HELLS: variants seen among roughly 807,000 people sequenced by gnomAD.
HELLS encodes the protein lymphoid-specific helicase.
HELLS carries 32 observed loss-of-function variants against 120.0 expected under a neutral mutation model. The ratio of observed to expected loss-of-function variants is 0.27; its 90% CI spans 0.20 to 0.36. The LOEUF (loss-of-function observed/expected upper bound fraction) is 0.36, where lower values mean the gene tolerates loss of function less well. Among genes scored for constraint, HELLS ranks in the 10% least tolerant of loss-of-function variants. The probability of loss-of-function intolerance (pLI) is 1.00; values close to 1 mark genes in which losing one functional copy is unlikely to be tolerated. For missense variants in HELLS, 650 were observed against 993.4 expected (o/e 0.65, Z 4.65); for synonymous variants, 341 against 323.4 (o/e 1.05, Z -0.58).
At position 94,574,700 on chromosome 10, in the gene HELLS, T is replaced by A. The variant is rs756590860; in HGVS notation, c.852T>A (p.Pro284=). ...TCTGTGGCCCTTTGTCTACACTTCC[T>A]AACTGGATGGCTGAATTCAAAAGAT... ...FLVCGPLSTL[P]NWMAEFKRFT... is the part of the protein sequence containing the mutation. Residue 284 remains proline, a synonymous_variant, in exon 9 of 22, where the codon CCT becomes CCA. Coordinates refer to ENST00000348459, the MANE Select transcript of HELLS (RefSeq NM_018063.5). 2 of 1,613,552 alleles carry A rather than the reference T, an allele frequency of 1.2e-6. No homozygotes were observed. Among genetic ancestry groups the A allele is most frequent in the East Asian group, 4.5e-5 (2 of 44,852 alleles).
chr10:94,589,911 T>A (rs1309929342), intron 13 of HELLS, among the ~76,000 whole-genome samples: 1 of 151,998 alleles, frequency 6.6e-6, no homozygotes, highest in African/African-American at 2.4e-5. Flanking sequence ...ATGGTCTCGA[T>A]CTTCTGACCT....
chr10:94,607,632 A>G (rs1342606522), intron 8 of HELLS, among the ~76,000 whole-genome samples: 2 of 152,192 alleles, frequency 1.3e-5, no homozygotes, highest in African/African-American at 4.8e-5. Flanking sequence ...TGGTACTTGA[A>G]CATTTCCAAG....
At chr10:94,594,312 C>G (rs544323027) in intron 18 of HELLS, among the ~76,000 whole-genome samples, 27 of 152,050 alleles carry the variant, frequency 1.8e-4, no homozygotes, top group Non-Finnish European at 3.2e-4. Flanking sequence ...ACCTCATTCT[C>G]TCAAGTAGCT....
intron 10 of HELLS, among the ~76,000 whole-genome samples, chr10:94,578,285 C>T (rs1296140589): frequency 2.0e-5 from 3 of 151,944 alleles, no homozygotes; most frequent in African/African-American, 2.4e-5. Context: ...CACCAGGAAC[C>T]GGTTTTGTGG....
chr10:94,593,945 G>T (rs1258015341), intron 18 of HELLS, among the ~76,000 whole-genome samples: 1 of 149,274 alleles, frequency 6.7e-6, no homozygotes, highest in Non-Finnish European at 1.5e-5. Context: ...ACAGGCTTGA[G>T]CCACCACACC....
intron 13 of HELLS, among the ~76,000 whole-genome samples, chr10:94,589,224 GA>G (rs1279286538): frequency 6.6e-6 from 1 of 152,220 alleles, no homozygotes; most frequent in Non-Finnish European, 1.5e-5. Context: ...GATGAACTTG[GA>G]AATGCATTTT....
At chr10:94,554,065 C>A in intron 2 of HELLS, 61 bp from the exon 3 acceptor site, 24 of 1,389,872 alleles carry the variant, frequency 1.7e-5, no homozygotes, top group East Asian at 6.0e-5. Context: ...AAACTTTATG[C>A]CAAAAAAATT....
At chr10:94,584,350 G>A (rs1845018770) in intron 12 of HELLS, among the ~76,000 whole-genome samples, 1 of 151,982 alleles carries the variant, frequency 6.6e-6, no homozygotes, top group South Asian at 2.1e-4. Flanking sequence ...ATCTTTGTGT[G>A]TGTTCATGTG....
chr10:94,547,659 T>A (rs185745871), intron 2 of HELLS, among the ~76,000 whole-genome samples: 9 of 152,358 alleles, frequency 5.9e-5, no homozygotes, highest in Admixed American at 5.2e-4. Context: ...CTAGTTTAAT[T>A]ACTAGTATAA....
At chr10:94,595,858 TA>T (rs1262522654) in intron 19 of HELLS, among the ~76,000 whole-genome samples, 1 of 152,246 alleles carries the variant, frequency 6.6e-6, no homozygotes, top group East Asian at 1.9e-4. Flanking sequence ...AAATCACTAA[TA>T]ATTTATTTTA....
chr10:94,546,509 C>T lies in HELLS; in HGVS notation c.153+11C>T. 1 of 1,613,850 alleles carries T rather than the reference C, an allele frequency of 6.2e-7. No individual in the cohort carries two copies. Among genetic ancestry groups the T allele is most frequent in the Non-Finnish European group, 8.5e-7 (1 of 1,179,990 alleles). On this transcript the variant is annotated intron_variant, in intron 2 of 21. Transcript: ENST00000348459. The stretch of plus-strand genomic sequence containing the variant: ...AAGATGCTGGAAAAGGTAATTTAGG[C>T]ATCAGGTTCGTCGTCGTGAAAGCCT...
At chr10:94,608,820 T>A (rs921791593) in intron 9 of HELLS, among the ~76,000 whole-genome samples, 14 of 152,068 alleles carry the variant, frequency 9.2e-5, no homozygotes, top group South Asian at 4.1e-4. Context: ...GGTGTTTTTT[T>A]AAATTTTTTT....
At chr10:94,559,923 A>G (rs1356336387) in intron 4 of HELLS, among the ~76,000 whole-genome samples, 1 of 152,248 alleles carries the variant, frequency 6.6e-6, no homozygotes, top group Non-Finnish European at 1.5e-5. Context: ...TTATCGAACC[A>G]CAAGTACTGC....
intron 3 of HELLS, among the ~76,000 whole-genome samples, chr10:94,554,749 G>T (rs1041341570): frequency 6.6e-6 from 1 of 151,370 alleles, no homozygotes; most frequent in Non-Finnish European, 1.5e-5. Context: ...GGATTAGAGG[G>T]TTGGGATTTA....
intron 12 of HELLS, among the ~76,000 whole-genome samples, 161 bp from the exon 13 acceptor site, chr10:94,588,068 G>C (rs1845267903): frequency 6.6e-6 from 1 of 152,066 alleles, no homozygotes; most frequent in South Asian, 2.1e-4. Context: ...TTTATCATTT[G>C]GTCTGGTCTG....
At chr10:94,565,838 G>A (rs1028772305) in intron 6 of HELLS, among the ~76,000 whole-genome samples, 4 of 152,106 alleles carry the variant, frequency 2.6e-5, no homozygotes, top group Non-Finnish European at 5.9e-5. Context: ...AAAGGTAAAT[G>A]CTGTCTTCAC....
chr10:94,586,303 A>G (rs1564608600), intron 12 of HELLS, among the ~76,000 whole-genome samples: 1 of 151,942 alleles, frequency 6.6e-6, no homozygotes, highest in Middle Eastern at 3.4e-3. Context: ...TCTATTTTTT[A>G]GTAGAGACGG....
At chr10:94,580,664 G>A (rs1022455046) in intron 10 of HELLS, among the ~76,000 whole-genome samples, 3 of 151,884 alleles carry the variant, frequency 2.0e-5, no homozygotes, top group South Asian at 2.1e-4. Context: ...AATGCAAAAC[G>A]TTCTCTATAC....
intron 7 of HELLS, among the ~76,000 whole-genome samples, 159 bp downstream of exon 7, chr10:94,571,588 A>G (rs1447822215): frequency 6.6e-6 from 1 of 152,002 alleles, no homozygotes; most frequent in Admixed American, 6.6e-5. Context: ...CATATCCAAC[A>G]TTCTTCTTTT....
Sources: gnomAD v4.1 joint callset for allele counts (sites outside exome capture counted in the v4.1 genomes callset) on GRCh38, gnomAD v4.1.1 for gene constraint, MANE v1.5 for transcripts, NCBI Gene and HGNC (gene_info 2026-07-23, HGNC 2026-07-21) for gene names.